The following NME7 variants were observed in gnomAD, a reference collection of about 807,000 sequenced individuals.
NME7 encodes the protein nucleoside diphosphate kinase 7.
A neutral mutation model predicts 49.1 loss-of-function variants in NME7; 41 were observed. The observed-to-expected ratio is 0.83, with a 90% CI of 0.65 to 1.08. NME7 has a LOEUF of 1.08. Ranked by LOEUF, NME7 falls within the 50% of genes least tolerant of loss-of-function variation. NME7 has a pLI of 0.00. For synonymous variants in NME7, 139 were observed against 150.6 expected (o/e 0.92, Z 0.56); for missense variants, 423 against 463.4 (o/e 0.91, Z 0.80).
chr1:169,265,104 A>G lies in NME7; in HGVS notation c.754+22199T>C, dbSNP rs1474810654. Among the ~76,000 whole-genome samples the G allele has an allele frequency of 3.0e-5, 4 of 132,992 alleles. 1 individual carries two copies. The highest frequency in any genetic ancestry group is 1.0e-4 in the African/African-American group (4 of 39,368). The allele number at this position is 132,992 out of a possible 152,430, so 87.2% of individuals were successfully genotyped here. On this transcript the variant is annotated intron_variant, in intron 7 of 11. Transcript: ENST00000367811. Reference sequence around the variant, plus strand: ...GGGGGTAACTGCTACCAAGATTCAAATATCTCCTACCAGGTCCCTCCCATG... The same window carrying G: ...GGGGGTAACTGCTACCAAGATTCAAGTATCTCCTACCAGGTCCCTCCCATG...
intron 7 of NME7, among the ~76,000 whole-genome samples, chr1:169,279,927 G>T (rs138201271): frequency 2.7e-3 from 411 of 152,340 alleles, no homozygotes; most frequent in Non-Finnish European, 5.1e-3. Flanking sequence ...TAACATACAT[G>T]TGAATCTGTC....
At chr1:169,168,356 A>G (rs1659474145) in intron 11 of NME7, among the ~76,000 whole-genome samples, 1 of 152,166 alleles carries the variant, frequency 6.6e-6, no homozygotes, top group African/African-American at 2.4e-5. Context: ...AGAGGCAGAT[A>G]CTGAGGTTGC....
chr1:169,343,109 A>AT (rs1054972838), intron 1 of NME7, among the ~76,000 whole-genome samples: 2 of 149,842 alleles, frequency 1.3e-5, no homozygotes, highest in South Asian at 2.1e-4. Context: ...GTTCCACACG[A>AT]TTTTTTGTTG....
At chr1:169,207,661 G>A (rs3753298) in intron 10 of NME7, among the ~76,000 whole-genome samples, 7,245 of 152,128 alleles carry the variant, frequency 0.048, 227 homozygotes, top group East Asian at 0.12. Context: ...AAAAATGCAA[G>A]TATTTATGAG....
In NME7 at chr1:169,263,121, A is replaced by G. The variant is rs1451261036; in HGVS notation, c.754+24182T>C. On this transcript the variant is annotated intron_variant, in intron 7 of 11. Transcript: ENST00000367811. ...ATCCATCCAGAAGACATCAACTTCA[A>G]AAACTGGAGGAATATCAGCCCACAC... Among the ~76,000 whole-genome samples, 4 of 134,022 alleles carry G rather than the reference A, an allele frequency of 3.0e-5. 1 individual carries two copies. Among genetic ancestry groups the G allele is most frequent in the Non-Finnish European group, 5.3e-5 (3 of 57,000 alleles). The allele number at this position is 134,022 out of a possible 152,430, so 87.9% of individuals were successfully genotyped here.
intron 6 of NME7, among the ~76,000 whole-genome samples, chr1:169,297,627 G>C (rs1650763125): frequency 1.3e-5 from 2 of 152,110 alleles, no homozygotes. Context: ...ATATGGGCCA[G>C]ACTAGATAGA....
At chr1:169,244,856 C>T (rs532017228) in intron 7 of NME7, among the ~76,000 whole-genome samples, 3 of 152,176 alleles carry the variant, frequency 2.0e-5, no homozygotes, top group Admixed American at 6.5e-5. Context: ...CACCTGGGTG[C>T]GGTGGCTCAT....
At chr1:169,143,511 C>A (rs955828773) in intron 11 of NME7, among the ~76,000 whole-genome samples, 3 of 152,140 alleles carry the variant, frequency 2.0e-5, no homozygotes, top group Admixed American at 2.0e-4. Flanking sequence ...TCTTTCACTA[C>A]ACAGCAATAA....
intron 11 of NME7, among the ~76,000 whole-genome samples, chr1:169,160,082 T>G (rs72637225): frequency 0.11 from 16,727 of 152,120 alleles, 2,101 homozygotes; most frequent in East Asian, 0.73. Flanking sequence ...TCCATTACCA[T>G]GGAAAGCTCC....
intron 1 of NME7, among the ~76,000 whole-genome samples, chr1:169,359,560 A>G (rs1653587309): frequency 7.2e-6 from 1 of 138,548 alleles, no homozygotes; most frequent in Non-Finnish European, 1.7e-5. Flanking sequence ...GTTATTATAG[A>G]TAAATGTAAT....
intron 10 of NME7, among the ~76,000 whole-genome samples, chr1:169,215,002 T>G (rs898991229): frequency 2.0e-5 from 3 of 152,246 alleles, no homozygotes; most frequent in South Asian, 2.1e-4. Flanking sequence ...GTATTCACAC[T>G]TGGTGGGCCC....
intron 1 of NME7, among the ~76,000 whole-genome samples, chr1:169,341,244 A>C (rs1652687623): frequency 6.6e-6 from 1 of 152,186 alleles, no homozygotes; most frequent in Non-Finnish European, 1.5e-5. Context: ...CGAGGCTAAA[A>C]GGGGCCAAGA....
intron 7 of NME7, among the ~76,000 whole-genome samples, chr1:169,273,983 T>C (rs1364551245): frequency 2.3e-5 from 3 of 132,786 alleles, no homozygotes; most frequent in Non-Finnish European, 5.3e-5. Context: ...ATTATACCAG[T>C]AATGGGATTG....
At chr1:169,205,828 C>A (rs139248799) in intron 10 of NME7, among the ~76,000 whole-genome samples, 118 of 152,152 alleles carry the variant, frequency 7.8e-4, no homozygotes, top group Admixed American at 1.4e-3. Flanking sequence ...CAGCAGCTTT[C>A]CACGCTCTAT....
At chr1:169,263,026 C>G (rs1649211106) in intron 7 of NME7, among the ~76,000 whole-genome samples, 1 of 132,828 alleles carries the variant, frequency 7.5e-6, no homozygotes, top group Non-Finnish European at 1.8e-5. Context: ...AGAATTGAAG[C>G]CAGACAACCA....
chr1:169,194,959 TACA>T (rs1416330123), intron 10 of NME7, among the ~76,000 whole-genome samples: 1 of 152,200 alleles, frequency 6.6e-6, no homozygotes, highest in Non-Finnish European at 1.5e-5. Context: ...CACTCTCATC[TACA>T]ACATATATAT....
At chr1:169,176,674 A>C (rs1659760848) in intron 10 of NME7, among the ~76,000 whole-genome samples, 1 of 152,122 alleles carries the variant, frequency 6.6e-6, no homozygotes, top group South Asian at 2.1e-4. Flanking sequence ...GCTGAAGTGA[A>C]AATGAAGTCT....
chr1:169,315,905 G>C (rs1049350015), intron 3 of NME7, among the ~76,000 whole-genome samples: 1 of 151,958 alleles, frequency 6.6e-6, no homozygotes, highest in Non-Finnish European at 1.5e-5. Flanking sequence ...ATTAAAAATT[G>C]ATAGAATATA....
At chr1:169,283,381 G>A (rs1468974910) in intron 7 of NME7, among the ~76,000 whole-genome samples, 1 of 152,044 alleles carries the variant, frequency 6.6e-6, no homozygotes, top group African/African-American at 2.4e-5. Flanking sequence ...CACACTGATG[G>A]GTCTTGACTC....
Sources: gnomAD v4.1 joint callset for allele counts (sites outside exome capture counted in the v4.1 genomes callset) on GRCh38, gnomAD v4.1.1 for gene constraint, MANE v1.5 for transcripts, NCBI Gene and HGNC (gene_info 2026-07-23, HGNC 2026-07-21) for gene names.